Variants in CTNND1 observed in about 807,000 individuals in gnomAD.
The protein encoded by CTNND1 is catenin delta 1, also known as catenin delta-1.
CTNND1 carries 16 observed loss-of-function variants against 112.1 expected under a neutral mutation model. The observed-to-expected ratio is 0.14, with a 90% CI of 0.10 to 0.22. CTNND1 has a LOEUF of 0.22. Ranked by LOEUF, CTNND1 falls within the 10% of genes least tolerant of loss-of-function variation. CTNND1 has a pLI of 1.00. For synonymous variants in CTNND1, 420 were observed against 446.5 expected (o/e 0.94, Z 0.75); for missense variants, 1,008 against 1,257.0 (o/e 0.80, Z 3.00).
intron 1 of CTNND1, among the ~76,000 whole-genome samples, chr11:57,778,841 G>A (rs946007259): frequency 1.3e-5 from 2 of 152,178 alleles, no homozygotes; most frequent in Non-Finnish European, 2.9e-5. Context: ...TTTGTCCCTG[G>A]AGAGCAGCTC....
At chr11:57,780,290 AG>A (rs2059437862) in intron 1 of CTNND1, among the ~76,000 whole-genome samples, 1 of 152,094 alleles carries the variant, frequency 6.6e-6, no homozygotes, top group African/African-American at 2.4e-5. Flanking sequence ...CCTGAGCTCA[AG>A]CAGTCTGCCT....
chr11:57,812,467 C>T (rs2063477596), intron 17 of CTNND1, among the ~76,000 whole-genome samples: 1 of 152,074 alleles, frequency 6.6e-6, no homozygotes, highest in African/African-American at 2.4e-5. Context: ...TTGCAGTGAG[C>T]CGAGATTGCA....
intron 1 of CTNND1, among the ~76,000 whole-genome samples, chr11:57,773,670 C>T (rs1953384216): frequency 6.7e-6 from 1 of 149,958 alleles, no homozygotes; most frequent in African/African-American, 2.5e-5. Context: ...GGTGCAGTGG[C>T]TTACATCTGT....
At chr11:57,765,920 C>T (rs1235200244) in intron 1 of CTNND1, among the ~76,000 whole-genome samples, 4 of 152,110 alleles carry the variant, frequency 2.6e-5, no homozygotes, top group South Asian at 4.2e-4. Context: ...CCTGTGATCC[C>T]GGCAGTTTGG....
At chr11:57,814,454 T>C (rs1482763445) in intron 18 of CTNND1, 81 bp downstream of exon 18, 5 of 1,023,410 alleles carry the variant, frequency 4.9e-6, no homozygotes, top group Admixed American at 2.1e-5. Context: ...TAGTTTTTTT[T>C]CTAATACCCT....
At chr11:57,811,818 C>A (rs1008405541) in intron 17 of CTNND1, among the ~76,000 whole-genome samples, 8 of 151,956 alleles carry the variant, frequency 5.3e-5, no homozygotes, top group African/African-American at 1.9e-4. Context: ...TTTAAAATTA[C>A]AAAATATAAA....
chr11:57,804,619 A>G, intron 8 of CTNND1, 44 bp from the exon 9 acceptor site: 1 of 1,459,804 alleles, frequency 6.9e-7, no homozygotes, highest in South Asian at 1.2e-5. Flanking sequence ...TTAAGGGAGG[A>G]TTTCTGGATT....
At chr11:57,767,914 A>G (rs1591121286) in intron 1 of CTNND1, among the ~76,000 whole-genome samples, 1 of 150,842 alleles carries the variant, frequency 6.6e-6, no homozygotes, top group East Asian at 2.0e-4. Flanking sequence ...GCTTGCTGCA[A>G]CCTCTGCCTC....
At chr11:57,808,064 A>G (rs993672992) in intron 12 of CTNND1, 101 bp from the exon 13 acceptor site, 38 of 1,291,638 alleles carry the variant, frequency 2.9e-5, no homozygotes, top group Non-Finnish European at 8.4e-6. Flanking sequence ...ATAGAAGCAT[A>G]AATCCATCAA....
At chr11:57,783,428 G>A (rs540360982) in intron 1 of CTNND1, among the ~76,000 whole-genome samples, 6 of 152,292 alleles carry the variant, frequency 3.9e-5, no homozygotes, top group South Asian at 2.1e-4. Context: ...GGAAGGCCGC[G>A]GCGGGTGGAT....
At chr11:57,815,357 A>C in intron 18 of CTNND1, 37 bp from the exon 19 acceptor site, 446 of 1,139,894 alleles carry the variant, frequency 3.9e-4, no homozygotes, top group Non-Finnish European at 5.2e-4. Context: ...CTAGAGGGGA[A>C]TGTCATATTT....
chr11:57,789,707 A>G (rs941988327), intron 2 of CTNND1, among the ~76,000 whole-genome samples: 1 of 152,172 alleles, frequency 6.6e-6, no homozygotes, highest in Non-Finnish European at 1.5e-5. Context: ...ATGTTTCAAG[A>G]AAGTTTACAA....
intron 6 of CTNND1, among the ~76,000 whole-genome samples, chr11:57,798,342 C>A (rs1336175649): frequency 3.3e-5 from 1 of 30,182 alleles, no homozygotes; most frequent in African/African-American, 7.2e-5. Context: ...GTGAGACTGT[C>A]TCAAAAAAAA....
At chr11:57,794,118 A>T (rs1281060331) in intron 4 of CTNND1, 37 bp downstream of exon 4, 1 of 1,578,026 alleles carries the variant, frequency 6.3e-7, no homozygotes, top group Non-Finnish European at 8.7e-7. Flanking sequence ...TGCTTCATTC[A>T]TATTTTCTTA....
chr11:57,772,997 G>A (rs1953091778), intron 1 of CTNND1, among the ~76,000 whole-genome samples: 1 of 152,156 alleles, frequency 6.6e-6, no homozygotes, highest in South Asian at 2.1e-4. Context: ...CCTCAACCAA[G>A]AAACTTTTTT....
intron 2 of CTNND1, among the ~76,000 whole-genome samples, chr11:57,789,813 C>T (rs1430761850): frequency 6.6e-6 from 1 of 152,184 alleles, no homozygotes; most frequent in African/African-American, 2.4e-5. Flanking sequence ...TGCAGGATTA[C>T]AGAGATGTGG....
At chr11:57,766,974 CTTT>C (rs779955741) in intron 1 of CTNND1, among the ~76,000 whole-genome samples, 2 of 140,064 alleles carry the variant, frequency 1.4e-5, no homozygotes, top group Non-Finnish European at 1.6e-5. Context: ...ATTTTCTTAT[CTTT>C]TTTTTTTTTT....
chr11:57,789,166 A>AAAT lies in CTNND1; in HGVS notation c.-95+13_-95+15dup, dbSNP rs2060430442. 4.9e-6 allele frequency: 7 copies of AAAT among 1,428,240 alleles called. 1 individual carries two copies. 88.5% of individuals were successfully genotyped at this position (1,428,240 alleles called of 1,614,324 possible). On this transcript the variant is annotated intron_variant, in intron 2 of 20. Transcript: ENST00000399050. ...ACCTTCTCTTAACAGGTGTGTATGG[A>AAAT]AATATGTTTATTAAGAAGGAAAAAT...
chr11:57,783,487 G>A (rs1395523401), intron 1 of CTNND1, among the ~76,000 whole-genome samples: 1 of 151,752 alleles, frequency 6.6e-6, no homozygotes, highest in Non-Finnish European at 1.5e-5. Context: ...GTGAAACCCC[G>A]TCTCTACTAA....
Sources: gnomAD v4.1 joint callset for allele counts (sites outside exome capture counted in the v4.1 genomes callset) on GRCh38, gnomAD v4.1.1 for gene constraint, MANE v1.5 for transcripts, NCBI Gene and HGNC (gene_info 2026-07-23, HGNC 2026-07-21) for gene names.